PPP2R5C: variants seen among roughly 807,000 people sequenced by gnomAD.
PPP2R5C encodes serine/threonine-protein phosphatase 2A 56 kDa regulatory subunit gamma isoform.
Under a neutral mutation model 68.9 loss-of-function variants are expected in PPP2R5C, and 7 were observed. The observed-to-expected ratio is 0.10, with a 90% confidence interval of 0.06 to 0.19. The LOEUF is 0.19. Among genes scored for constraint, PPP2R5C ranks in the 10% least tolerant of loss-of-function variants. PPP2R5C has a pLI of 1.00. For missense variants in PPP2R5C, 348 were observed against 641.3 expected (o/e 0.54, Z 4.94); for synonymous variants, 210 against 222.2 (o/e 0.95, Z 0.49).
chr14:101,794,126 C>T (rs1212108836), intron 3 of PPP2R5C, among the ~76,000 whole-genome samples: 1 of 152,184 alleles, frequency 6.6e-6, no homozygotes, highest in Non-Finnish European at 1.5e-5. Context: ...GACCAAGGTT[C>T]CAGGCTTTTC....
intron 2 of PPP2R5C, chr14:101,766,756 T>G (rs977264657): frequency 1.3e-5 from 2 of 152,210 alleles, no homozygotes; most frequent in African/African-American, 4.8e-5. Flanking sequence ...TCACTTGAAG[T>G]TGGAAAATTC....
At chr14:101,886,566 G>A (rs915488236) in intron 5 of PPP2R5C, among the ~76,000 whole-genome samples, 1 of 152,008 alleles carries the variant, frequency 6.6e-6, no homozygotes, top group Non-Finnish European at 1.5e-5. Context: ...TAATTGTCCT[G>A]ATACGCGCAG....
intron 2 of PPP2R5C, 62 bp downstream of exon 2, chr14:101,763,032 A>G: frequency 7.2e-7 from 1 of 1,387,142 alleles, no homozygotes; most frequent in Admixed American, 2.0e-5. Context: ...AGGTAGAAAA[A>G]CCGAGAGTGA....
In PPP2R5C at chr14:101,916,431, C is replaced by T. The variant is rs947625569; in HGVS notation, c.1327-1400C>T. 3.3e-5 allele frequency among the ~76,000 whole-genome samples: 5 copies of T among 152,108 alleles called. No homozygotes were observed. The highest frequency in any genetic ancestry group is 9.7e-5 in the African/African-American group (4 of 41,398). ...GAGGGACAGAGGGTGTGGGAAAAGG[C>T]CGAAGACAGCCCACAGAGGAAGGAG... On this transcript the variant is annotated intron_variant, in intron 12 of 13. Coordinates refer to ENST00000334743, the Ensembl canonical transcript of PPP2R5C. The surrounding 1 kb of genome is among the most constrained non-coding windows in gnomAD (Gnocchi z 5.5).
chr14:101,871,141 A>C (rs142563160), intron 2 of PPP2R5C, among the ~76,000 whole-genome samples: 2,688 of 151,566 alleles, frequency 0.018, 37 homozygotes, highest in South Asian at 0.052. Flanking sequence ...CTTCCCTTTT[A>C]CTTTTGATCA....
chr14:101,865,612 T>A (rs957291762), intron 2 of PPP2R5C, among the ~76,000 whole-genome samples: 1 of 152,166 alleles, frequency 6.6e-6, no homozygotes, highest in Non-Finnish European at 1.5e-5. Context: ...ATCTGCTAAC[T>A]GTGCTACTTT....
chr14:101,919,969 C>CAAAAAAAAAAAAAAAAAAAA lies in PPP2R5C; in HGVS notation c.1443+2026_1443+2045dup, dbSNP rs34641396. 9.5e-5 allele frequency among the ~76,000 whole-genome samples: 5 copies of CAAAAAAAAAAAAAAAAAAAA among 52,874 alleles called. 1 individual carries two copies. Among genetic ancestry groups the CAAAAAAAAAAAAAAAAAAAA allele is most frequent in the African/African-American group, 3.6e-4 (4 of 11,168 alleles). The allele number at this position is 52,874 out of a possible 152,430, so 34.7% of individuals were successfully genotyped here. A position where few individuals can be genotyped will look rare whatever the true frequency, so the allele number is the denominator to read the frequency against. On this transcript the variant is annotated intron_variant, in intron 13 of 13. Coordinates refer to ENST00000334743, the Ensembl canonical transcript of PPP2R5C. ...GGGCAAGAAAAGCAAAACTCCGTCT[C>CAAAAAAAAAAAAAAAAAAAA]AAAAAAAAAAAAAAAAAAAAAAACC...
rs1034832352 is a variant in PPP2R5C, at chr14:101,915,592, T to C, written c.1327-2239T>C. ...GGAGTAGTCAAAAGCAGAAGAAGCG[T>C]TGGTGTGAAACAGTCCCCGCAAGTC... On this transcript the variant is annotated intron_variant, in intron 12 of 13. Coordinates refer to ENST00000334743, the Ensembl canonical transcript of PPP2R5C. This position sits in a 1 kb window ranked among gnomAD's most constrained non-coding sequence, Gnocchi z 4.2. 1.3e-5 allele frequency among the ~76,000 whole-genome samples: 2 copies of C among 152,092 alleles called. No individual in the cohort carries two copies. The highest frequency in any genetic ancestry group is 4.8e-5 in the African/African-American group (2 of 41,412).
intron 11 of PPP2R5C, among the ~76,000 whole-genome samples, chr14:101,910,465 T>C (rs1014281825): frequency 1.3e-5 from 2 of 152,242 alleles, no homozygotes; most frequent in Admixed American, 1.3e-4. Context: ...TAGACAAATA[T>C]GTGAATATTT....
At chr14:101,923,066 C>G (rs1425960076) in intron 13 of PPP2R5C, among the ~76,000 whole-genome samples, 2 of 152,186 alleles carry the variant, frequency 1.3e-5, no homozygotes, top group African/African-American at 4.8e-5. Flanking sequence ...CCGCTCCGCC[C>G]CTGCCAGCAT....
intron 2 of PPP2R5C, among the ~76,000 whole-genome samples, chr14:101,871,116 A>C (rs2043382172): frequency 6.6e-6 from 1 of 152,054 alleles, no homozygotes; most frequent in South Asian, 2.1e-4. Context: ...TAGTGTTGGC[A>C]TGGTATGTCT....
intron 13 of PPP2R5C, among the ~76,000 whole-genome samples, chr14:101,919,087 C>A (rs1273718508): frequency 6.6e-6 from 1 of 152,222 alleles, no homozygotes; most frequent in African/African-American, 2.4e-5. Context: ...TTGAATGTGA[C>A]TGCTAGAAGA....
intron 2 of PPP2R5C, chr14:101,766,727 C>CA (rs1462666945): frequency 6.6e-6 from 1 of 152,030 alleles, no homozygotes; most frequent in Non-Finnish European, 1.5e-5. Flanking sequence ...AGGAAAGAGG[C>CA]AAAAAACGGG....
At chr14:101,761,884 C>A (rs1275750199), upstream of PPP2R5C, 4 of 1,148,624 alleles carry the variant, frequency 3.5e-6, no homozygotes, top group African/African-American at 5.0e-5. Context: ...GGCGGCGGCC[C>A]GCTCCAGCCA....
chr14:101,892,960 A>G (rs1185655985), intron 6 of PPP2R5C, 40 bp from the exon 9 acceptor site: 1 of 1,411,012 alleles, frequency 7.1e-7, no homozygotes, highest in Non-Finnish European at 9.9e-7. Flanking sequence ...AAAACCTGGA[A>G]TTCGTAAATG....
At chr14:101,819,029 C>T in intron 1 of PPP2R5C, 2 of 1,551,518 alleles carry the variant, frequency 1.3e-6, no homozygotes, top group East Asian at 2.4e-5. Flanking sequence ...CCTAAAGTAC[C>T]ACCTCCACTT....
intron 2 of PPP2R5C, among the ~76,000 whole-genome samples, chr14:101,780,948 G>A: frequency 6.6e-6 from 1 of 152,144 alleles, no homozygotes; most frequent in South Asian, 2.1e-4. Flanking sequence ...CTGACTGGGT[G>A]ATTTCAGGCG....
At chr14:101,845,949 T>C (rs2041801990) in intron 1 of PPP2R5C, among the ~76,000 whole-genome samples, 1 of 152,210 alleles carries the variant, frequency 6.6e-6, no homozygotes, top group African/African-American at 2.4e-5. Context: ...ACCAAATTTA[T>C]ACCCAAATGA....
intron 3 of PPP2R5C, 55 bp downstream of exon 3, chr14:101,786,238 A>G: frequency 7.0e-7 from 1 of 1,423,510 alleles, no homozygotes; most frequent in Non-Finnish European, 9.4e-7. Flanking sequence ...GTGAAGGAGC[A>G]ATGTTTTGAT....
Sources: gnomAD v4.1 joint callset for allele counts (sites outside exome capture counted in the v4.1 genomes callset) on GRCh38, gnomAD v4.1.1 for gene constraint, Gnocchi (gnomAD v3.1) non-coding constraint, MANE v1.5 for transcripts, NCBI Gene and HGNC (gene_info 2026-07-23, HGNC 2026-07-21) for gene names.